MAML3: variants seen among roughly 807,000 people sequenced by gnomAD.
The protein encoded by MAML3 is mastermind like transcriptional coactivator 3.
MAML3 carries 27 observed loss-of-function variants against 101.9 expected under a neutral mutation model. The ratio of observed to expected loss-of-function variants is 0.27; its 90% CI spans 0.20 to 0.37. The LOEUF is 0.37. MAML3 is among the 10% of genes least tolerant of loss of function. The probability of loss-of-function intolerance (pLI) is 1.00; values close to 1 mark genes in which losing one functional copy is unlikely to be tolerated. For synonymous variants in MAML3, 501 were observed against 555.9 expected, an observed-to-expected ratio of 0.90 and a Z score of 1.39; for missense variants, 1,316 against 1,444.9, an observed-to-expected ratio of 0.91 and a Z score of 1.45.
At chr4:140,000,554 C>T (rs1734904142) in intron 1 of MAML3, among the ~76,000 whole-genome samples, 1 of 152,184 alleles carries the variant, frequency 6.6e-6, no homozygotes, top group South Asian at 2.1e-4. Flanking sequence ...AGCCCAGTCT[C>T]CCTCTACTTA....
At chr4:140,135,888 C>T (rs1262365627) in intron 1 of MAML3, among the ~76,000 whole-genome samples, 6 of 152,174 alleles carry the variant, frequency 3.9e-5, no homozygotes, top group Non-Finnish European at 7.3e-5. Flanking sequence ...CTTGATGCGC[C>T]GGTGAAAAAT....
intron 4 of MAML3, among the ~76,000 whole-genome samples, chr4:139,724,300 C>T (rs1277912655): frequency 2.0e-5 from 3 of 152,188 alleles, no homozygotes; most frequent in Non-Finnish European, 4.4e-5. Flanking sequence ...GCTCACAGTT[C>T]ATGATCTAGG....
rs763176711 is a variant in MAML3 at position 140,153,371 on chromosome 4, AC to A, written c.-45del. 1.2e-5 allele frequency: 18 copies of A among 1,490,402 alleles called. No individual in the cohort carries two copies. The East Asian group carries it at 4.0e-4, about 33-fold the overall frequency. The allele number at this position is 1,490,402 out of a possible 1,614,324, so 92.3% of individuals were successfully genotyped here. On this transcript the variant is annotated 5_prime_UTR_variant, in exon 1 of 5. Transcript: ENST00000509479. ...TATTTTGGAAGAACTTTTTTTATCC[AC>A]CCCCCTATCAGCCTCCTCCTTGGGT...
At chr4:140,057,255 G>A (rs1190891618) in intron 1 of MAML3, among the ~76,000 whole-genome samples, 5 of 152,158 alleles carry the variant, frequency 3.3e-5, no homozygotes, top group African/African-American at 9.7e-5. Flanking sequence ...GCAACAGAAC[G>A]AGATCTTGTC....
At chr4:139,805,502 C>T (rs1414217213) in intron 2 of MAML3, among the ~76,000 whole-genome samples, 2 of 151,992 alleles carry the variant, frequency 1.3e-5, no homozygotes, top group African/African-American at 4.8e-5. Flanking sequence ...ATTTCAGAAA[C>T]AGAAATAATT....
At chr4:139,830,997 G>T (rs1237567652) in intron 2 of MAML3, among the ~76,000 whole-genome samples, 5 of 152,102 alleles carry the variant, frequency 3.3e-5, no homozygotes, top group Admixed American at 3.3e-4. Context: ...GGCATATTGG[G>T]TACTCCACAT....
chr4:139,875,317 GAGA>G (rs1219344809), intron 2 of MAML3, among the ~76,000 whole-genome samples: 13 of 152,164 alleles, frequency 8.5e-5, no homozygotes, highest in Admixed American at 2.0e-4. Context: ...CTCAAGTCAG[GAGA>G]AGGTGGAAGT....
At chr4:139,770,078 T>G (rs1729944947) in intron 2 of MAML3, among the ~76,000 whole-genome samples, 2 of 151,956 alleles carry the variant, frequency 1.3e-5, no homozygotes, top group Admixed American at 1.3e-4. Context: ...TACTACCATG[T>G]CTCAGCTAGT....
chr4:140,049,883 G>T (rs1727239967), intron 1 of MAML3, among the ~76,000 whole-genome samples: 1 of 125,256 alleles, frequency 8.0e-6, no homozygotes. Flanking sequence ...GTAATCACAG[G>T]ATTTTTTTTT....
In MAML3 at chr4:139,890,689, G is replaced by A; in HGVS notation, c.747C>T (p.Leu249=). 1 of 1,613,980 alleles carries A rather than the reference G, an allele frequency of 6.2e-7. No homozygotes were observed. The highest frequency in any genetic ancestry group is 8.5e-7 in the Non-Finnish European group (1 of 1,179,886). The change falls in exon 2 of 5, where the codon CTC becomes CTT. Residue 249 remains leucine, a synonymous_variant. Transcript: ENST00000509479. The surrounding 1 kb of genome is among the most constrained non-coding windows in gnomAD (Gnocchi z 4.1). ...LLEDLSKNGR[L]PEIKLPVNGC... is the part of the protein sequence containing the mutation. ...CGTTGACAGGAAGTTTAATCTCAGG[G>A]AGCCTACCATTCTTACTTAGATCTT...
chr4:139,901,321 A>C (rs961209020), intron 1 of MAML3, among the ~76,000 whole-genome samples: 1 of 152,202 alleles, frequency 6.6e-6, no homozygotes, highest in South Asian at 2.1e-4. Context: ...TGTAGGAAAA[A>C]GCTCCACTGA....
At chr4:139,881,685 G>A (rs1732223729) in intron 2 of MAML3, among the ~76,000 whole-genome samples, 1 of 152,154 alleles carries the variant, frequency 6.6e-6, no homozygotes, top group African/African-American at 2.4e-5. Context: ...AAAGCAGGAA[G>A]CACAGGAAAG....
intron 2 of MAML3, among the ~76,000 whole-genome samples, chr4:139,831,236 T>C (rs555742551): frequency 9.0e-4 from 137 of 152,332 alleles, no homozygotes; most frequent in African/African-American, 3.0e-3. Flanking sequence ...CTATTATTTA[T>C]CATAAAATCC....
chr4:139,910,386 T>C (rs781023855), intron 1 of MAML3, among the ~76,000 whole-genome samples: 1 of 152,248 alleles, frequency 6.6e-6, no homozygotes. Context: ...CACTGTGCGA[T>C]ACTTCAGTCA....
At chr4:139,920,746 G>A (rs1733116501) in intron 1 of MAML3, among the ~76,000 whole-genome samples, 1 of 152,186 alleles carries the variant, frequency 6.6e-6, no homozygotes, top group African/African-American at 2.4e-5. Flanking sequence ...TACAGAGCAT[G>A]GCTCCAACTT....
In MAML3 at chr4:139,719,818, C is replaced by T; in HGVS notation, c.2922G>A (p.Arg974=). 1 of 1,613,574 alleles carries T rather than the reference C, an allele frequency of 6.2e-7. No individual in the cohort carries two copies. Among genetic ancestry groups the T allele is most frequent in the South Asian group, 1.1e-5 (1 of 91,088 alleles). Residue 974 remains arginine (R), a synonymous_variant, in exon 5 of 5, where the codon AGG becomes AGA. Transcript: ENST00000509479. ...QQRSLQGMPG[R]TSGELGPFNN... Reference sequence around the variant, plus strand: ...TGAATGGTCCCAATTCTCCACTAGTCCTCCCAGGCATGCCCTGCAAGCTCC... The same window carrying T: ...TGAATGGTCCCAATTCTCCACTAGTTCTCCCAGGCATGCCCTGCAAGCTCC...
intron 2 of MAML3, among the ~76,000 whole-genome samples, chr4:139,791,945 T>A (rs946822654): frequency 3.9e-5 from 6 of 152,230 alleles, no homozygotes; most frequent in Admixed American, 1.3e-4. Flanking sequence ...TTACGGAGGC[T>A]CCATCTGTTA....
chr4:139,759,442 G>A (rs953115531), intron 2 of MAML3, among the ~76,000 whole-genome samples: 8 of 152,134 alleles, frequency 5.3e-5, no homozygotes, highest in African/African-American at 1.4e-4. Flanking sequence ...CCCAGGTCCC[G>A]GCCTGACTCC....
chr4:139,990,307 T>C (rs1734641348), intron 1 of MAML3, among the ~76,000 whole-genome samples: 1 of 152,160 alleles, frequency 6.6e-6, no homozygotes, highest in African/African-American at 2.4e-5. Flanking sequence ...AACCACATGA[T>C]TATCTCAATA....
Sources: allele counts gnomAD v4.1 joint callset (sites outside exome capture counted in the v4.1 genomes callset), GRCh38; gene constraint gnomAD v4.1.1; non-coding constraint Gnocchi (gnomAD v3.1); transcripts MANE v1.5; gene names NCBI Gene and HGNC (gene_info 2026-07-23, HGNC 2026-07-21).